Variants in CSMD1 observed in about 807,000 individuals in gnomAD.
CSMD1 encodes CUB and sushi domain-containing protein 1.
CSMD1 carries 213 observed loss-of-function variants against 417.5 expected under a neutral mutation model. The ratio of observed to expected loss-of-function variants is 0.51; its 90% CI spans 0.46 to 0.57. The LOEUF is 0.57. Among genes scored for constraint, CSMD1 ranks in the 20% least tolerant of loss-of-function variants. The pLI, the probability that CSMD1 is intolerant of heterozygous loss-of-function variation, is 0.00. For synonymous variants in CSMD1, 2,862 were observed against 1,736.8 expected, an observed-to-expected ratio of 1.65 and a Z score of -16.11; for missense variants, 6,923 against 4,529.7, an observed-to-expected ratio of 1.53 and a Z score of -15.17.
chr8:3,906,876 C>T (rs770902695), intron 5 of CSMD1, among the ~76,000 whole-genome samples: 3 of 152,044 alleles, frequency 2.0e-5, no homozygotes, highest in Non-Finnish European at 2.9e-5. Context: ...AGTATTAGTA[C>T]CAAGTCTTTC....
intron 20 of CSMD1, among the ~76,000 whole-genome samples, chr8:3,362,300 C>A (rs2117728207): frequency 6.6e-6 from 1 of 152,298 alleles, no homozygotes; most frequent in East Asian, 1.9e-4. Context: ...CCAAGACTGT[C>A]TTCCTCTCAT....
intron 2 of CSMD1, among the ~76,000 whole-genome samples, chr8:4,453,878 C>G (rs751294031): frequency 2.6e-4 from 34 of 131,550 alleles, no homozygotes; most frequent in African/African-American, 4.0e-4. Flanking sequence ...CTGGAGTGCA[C>G]TGGCGCGACC....
chr8:3,163,919 G>A (rs1451320900), intron 37 of CSMD1, among the ~76,000 whole-genome samples: 4 of 152,152 alleles, frequency 2.6e-5, no homozygotes, highest in African/African-American at 2.4e-5. Flanking sequence ...TGCACAGGTC[G>A]GTGTGTCCAT....
At chr8:4,046,489 G>T (rs1047533741) in intron 3 of CSMD1, among the ~76,000 whole-genome samples, 1 of 152,162 alleles carries the variant, frequency 6.6e-6, no homozygotes, top group South Asian at 2.1e-4. Context: ...CTTTCGGAAA[G>T]GATAAAGCAT....
rs190508688 is a variant in CSMD1 at position 4,943,236 on chromosome 8, T to C, written c.85+51096A>G. On this transcript the variant is annotated intron_variant, in intron 1 of 69. Transcript: ENST00000635120. ...CATGGCCGGGTGCAGTGGCTCATGCTTGTAATCCCAGCACTTTGGGCGGCC... is the reference window on the plus strand; with the variant it reads ...CATGGCCGGGTGCAGTGGCTCATGCCTGTAATCCCAGCACTTTGGGCGGCC... Among the ~76,000 whole-genome samples the C allele has an allele frequency of 2.6e-5, 4 of 152,238 alleles. No homozygotes were observed. In the East Asian group the frequency reaches 7.7e-4, roughly 29 times the overall value.
intron 5 of CSMD1, among the ~76,000 whole-genome samples, chr8:3,993,920 G>A (rs1405896780): frequency 1.3e-5 from 2 of 152,176 alleles, no homozygotes; most frequent in African/African-American, 4.8e-5. Flanking sequence ...GAAACGTGCA[G>A]CTGAACAAAT....
At chr8:3,556,559 CTCTT>C (rs1799163602) in intron 10 of CSMD1, among the ~76,000 whole-genome samples, 3 of 150,542 alleles carry the variant, frequency 2.0e-5, no homozygotes, top group Non-Finnish European at 4.4e-5. Context: ...CACCCTCTCT[CTCTT>C]TCAGAAATGG....
chr8:4,465,950 TC>T (rs1800141775), intron 2 of CSMD1, among the ~76,000 whole-genome samples: 2 of 152,162 alleles, frequency 1.3e-5, no homozygotes, highest in Admixed American at 1.3e-4. Context: ...ATTATGTGCT[TC>T]CAATACCTTG....
chr8:4,663,663 A>G (rs1585413496), intron 1 of CSMD1, among the ~76,000 whole-genome samples: 3 of 151,640 alleles, frequency 2.0e-5, no homozygotes, highest in African/African-American at 7.3e-5. Flanking sequence ...GTTCCCTGAG[A>G]CCTCCCCAGC....
chr8:3,633,135 C>T (rs1462372004), intron 7 of CSMD1, among the ~76,000 whole-genome samples: 1 of 152,112 alleles, frequency 6.6e-6, no homozygotes, highest in East Asian at 1.9e-4. Flanking sequence ...CTTTATGTTA[C>T]CAAGAATTTA....
intron 4 of CSMD1, among the ~76,000 whole-genome samples, chr8:4,028,445 G>A (rs993430271): frequency 2.0e-5 from 3 of 152,002 alleles, no homozygotes; most frequent in Non-Finnish European, 2.9e-5. Context: ...GCCGTCATAT[G>A]CCATTATGAA....
chr8:4,335,290 C>T (rs369306068), intron 3 of CSMD1, among the ~76,000 whole-genome samples: 2 of 152,114 alleles, frequency 1.3e-5, no homozygotes, highest in African/African-American at 2.4e-5. Context: ...CTATGTCCTA[C>T]TACCATAACC....
intron 12 of CSMD1, among the ~76,000 whole-genome samples, chr8:3,461,393 C>A (rs1414543229): frequency 1.3e-5 from 2 of 152,172 alleles, no homozygotes; most frequent in African/African-American, 4.8e-5. Context: ...TGGTCTTCAC[C>A]CTAAATCCAC....
chr8:3,788,507 A>G (rs1339424603), intron 5 of CSMD1, among the ~76,000 whole-genome samples: 6 of 152,194 alleles, frequency 3.9e-5, no homozygotes, highest in Admixed American at 1.3e-4. Flanking sequence ...TTCAGGATCA[A>G]TAGTTTCCTT....
At chr8:3,892,672 C>T (rs1443267675) in intron 5 of CSMD1, among the ~76,000 whole-genome samples, 14 of 147,940 alleles carry the variant, frequency 9.5e-5, no homozygotes, top group Non-Finnish European at 2.1e-4. Context: ...AGACTGGGTT[C>T]AAGGTGAATT....
In CSMD1 at chr8:4,854,059, G is replaced by A. The variant is rs117886288; in HGVS notation, c.85+140273C>T. ...TTGGTTTTTATTTTACAGTCTCACA[G>A]GGGGAACGAACTCATCTCCAGAAGA... is the stretch of plus-strand genomic sequence containing the variant. On this transcript the variant is annotated intron_variant, in intron 1 of 69. Transcript: ENST00000635120. Among the ~76,000 whole-genome samples the A allele has an allele frequency of 6.3e-3, 965 of 152,212 alleles. 2 individuals are homozygous for A. The highest frequency in any genetic ancestry group is 8.5e-3 in the Non-Finnish European group (579 of 68,016).
intron 21 of CSMD1, among the ~76,000 whole-genome samples, chr8:3,354,827 A>G (rs1410919592): frequency 1.5e-5 from 2 of 137,548 alleles, no homozygotes; most frequent in African/African-American, 5.5e-5. Context: ...ATATCTATAG[A>G]TACATATATA....
At chr8:3,745,440 G>A (rs967313354) in intron 6 of CSMD1, among the ~76,000 whole-genome samples, 3 of 152,322 alleles carry the variant, frequency 2.0e-5, no homozygotes, top group Middle Eastern at 3.4e-3. Context: ...ACAAACAGGT[G>A]AGTAAATGCC....
intron 26 of CSMD1, among the ~76,000 whole-genome samples, chr8:3,256,468 T>C (rs533985341): frequency 2.0e-4 from 31 of 152,336 alleles, no homozygotes; most frequent in African/African-American, 7.5e-4. Flanking sequence ...TTTTTATTGA[T>C]GCTTCAGATC....
Sources: allele counts gnomAD v4.1 joint callset (sites outside exome capture counted in the v4.1 genomes callset), GRCh38; gene constraint gnomAD v4.1.1; transcripts MANE v1.5; gene names NCBI Gene and HGNC (gene_info 2026-07-23, HGNC 2026-07-21).